FOCAD: variants seen among roughly 807,000 people sequenced by gnomAD.
FOCAD encodes the protein KIAA1797.
In FOCAD, 198 loss-of-function variants were observed where a neutral mutation model predicts 225.6. The ratio of observed to expected loss-of-function variants is 0.88; its 90% CI spans 0.78 to 0.99. The LOEUF is 0.99. Ranked by LOEUF, FOCAD falls within the 50% of genes least tolerant of loss-of-function variation. The pLI, the probability that FOCAD is intolerant of heterozygous loss-of-function variation, is 0.00. For missense variants in FOCAD, 2,713 were observed against 2,123.6 expected (o/e 1.28, Z -5.46); for synonymous variants, 897 against 755.0 (o/e 1.19, Z -3.08).
rs1017761139 is a variant in FOCAD at position 20,797,388 on chromosome 9, A to T, written c.1455+7780A>T. ...GGTAGCTTGATGAGGATGGCATTCAATCTATAAATTACCTTGGGCAGTATG... is the reference window on the plus strand; with the variant it reads ...GGTAGCTTGATGAGGATGGCATTCATTCTATAAATTACCTTGGGCAGTATG... On this transcript the variant is annotated intron_variant, in intron 11 of 43. Coordinates refer to ENST00000338382, the MANE Select transcript of FOCAD (RefSeq NM_001375567.1). Among the ~76,000 whole-genome samples the T allele has an allele frequency of 2.0e-5, 3 of 152,146 alleles. No homozygotes were observed. In the South Asian group the frequency reaches 6.2e-4, roughly 32 times the overall value.
At chr9:20,885,513 C>G (rs1831035869) in intron 21 of FOCAD, 2 of 180,186 alleles carry the variant, frequency 1.1e-5, no homozygotes, top group Non-Finnish European at 2.3e-5. Context: ...GAATAAATAT[C>G]AATTTATTGT....
At chr9:20,686,574 A>G (rs1178906563) in intron 1 of FOCAD, among the ~76,000 whole-genome samples, 1 of 152,244 alleles carries the variant, frequency 6.6e-6, no homozygotes, top group Admixed American at 6.5e-5. Flanking sequence ...AAGGATTATT[A>G]GTCTATAACA....
intron 1 of FOCAD, among the ~76,000 whole-genome samples, chr9:20,703,531 A>G (rs941641518): frequency 2.0e-5 from 3 of 152,086 alleles, no homozygotes; most frequent in South Asian, 4.1e-4. Context: ...TGCATTAACT[A>G]TATTTTAAAT....
At chr9:20,935,561 C>T in intron 28 of FOCAD, among the ~76,000 whole-genome samples, 1 of 152,152 alleles carries the variant, frequency 6.6e-6, no homozygotes, top group East Asian at 1.9e-4. Flanking sequence ...TCACCACGCC[C>T]AGCTAATTTT....
At chr9:20,796,981 T>G (rs1049001177) in intron 11 of FOCAD, among the ~76,000 whole-genome samples, 2 of 152,202 alleles carry the variant, frequency 1.3e-5, no homozygotes, top group African/African-American at 4.8e-5. Context: ...CCATCTAGAA[T>G]TAATTTTTGT....
chr9:20,896,165 A>G lies in FOCAD; in HGVS notation c.2625+10935A>G, dbSNP rs1023500117. On this transcript the variant is annotated intron_variant, in intron 21 of 43. Transcript: ENST00000338382. ...ACCCTGTTGATATGTGGGAATAAACATTAATTGATTTTCTAATATTGATTT... is the reference window on the plus strand; with the variant it reads ...ACCCTGTTGATATGTGGGAATAAACGTTAATTGATTTTCTAATATTGATTT... 2.0e-5 allele frequency among the ~76,000 whole-genome samples: 3 copies of G among 152,026 alleles called. No individual in the cohort carries two copies. The East Asian group carries it at 5.8e-4, about 29-fold the overall frequency.
intron 40 of FOCAD, among the ~76,000 whole-genome samples, chr9:20,988,079 C>T (rs1004110371): frequency 1.3e-5 from 2 of 152,166 alleles, no homozygotes; most frequent in Admixed American, 6.5e-5. Flanking sequence ...CATTTTATCA[C>T]TAGTGGTCAG....
intron 21 of FOCAD, among the ~76,000 whole-genome samples, chr9:20,899,903 G>A (rs1483681067): frequency 1.3e-5 from 2 of 151,852 alleles, no homozygotes; most frequent in Non-Finnish European, 2.9e-5. Context: ...TCTGCAGAAT[G>A]ACAGTCTTGT....
chr9:20,881,851 C>T lies in FOCAD; in HGVS notation c.2318-20C>T. The T allele has an allele frequency of 1.2e-6, 2 of 1,603,992 alleles. No homozygotes were observed. The stretch of plus-strand genomic sequence containing the variant: ...TTATTGTATTTACTCTACTTTTGGT[C>T]TCCTTTTATCCTCTTTTAGCTTTGG... On this transcript the variant is annotated intron_variant, in intron 19 of 43. Transcript: ENST00000338382.
intron 27 of FOCAD, among the ~76,000 whole-genome samples, chr9:20,930,680 G>A (rs572895240): frequency 2.0e-5 from 3 of 152,218 alleles, no homozygotes; most frequent in Admixed American, 2.0e-4. Context: ...ATCATTTTCA[G>A]CTCTTAGAAA....
At chr9:20,923,579 A>G (rs1236072325) in intron 24 of FOCAD, 81 bp from the exon 25 acceptor site, 2 of 1,016,010 alleles carry the variant, frequency 2.0e-6, no homozygotes, top group Non-Finnish European at 3.0e-6. Flanking sequence ...TTTTGACTTC[A>G]CCTGCCCTCC....
chr9:20,780,617 A>C (rs935118216), intron 9 of FOCAD, among the ~76,000 whole-genome samples: 1 of 152,180 alleles, frequency 6.6e-6, no homozygotes, highest in Non-Finnish European at 1.5e-5. Flanking sequence ...CAAATTTAAA[A>C]GATTTATTTA....
chr9:20,740,366 T>TTA, intron 5 of FOCAD, 26 bp downstream of exon 5: 1 of 1,243,782 alleles, frequency 8.0e-7, no homozygotes, highest in Non-Finnish European at 1.1e-6. Flanking sequence ...GTTTTTTTTT[T>TTA]AAACAAATAT....
intron 11 of FOCAD, among the ~76,000 whole-genome samples, chr9:20,800,535 CTTTG>C (rs1359633951): frequency 6.6e-6 from 1 of 152,088 alleles, no homozygotes; most frequent in Non-Finnish European, 1.5e-5. Flanking sequence ...TTCTTGGAGG[CTTTG>C]TTTGTTTCTT....
chr9:20,742,923 C>G (rs1827750624), intron 5 of FOCAD, among the ~76,000 whole-genome samples: 2 of 152,270 alleles, frequency 1.3e-5, no homozygotes, highest in African/African-American at 4.8e-5. Context: ...TTGGCATAAT[C>G]TGGTAATGTT....
intron 11 of FOCAD, among the ~76,000 whole-genome samples, chr9:20,808,432 T>C (rs1822697522): frequency 6.6e-6 from 1 of 152,146 alleles, no homozygotes; most frequent in Non-Finnish European, 1.5e-5. Flanking sequence ...TGACCCTAAG[T>C]ATACTGGAAT....
intron 23 of FOCAD, among the ~76,000 whole-genome samples, chr9:20,915,364 A>G (rs1833782131): frequency 6.6e-6 from 1 of 152,204 alleles, no homozygotes; most frequent in Non-Finnish European, 1.5e-5. Flanking sequence ...CAGACGAAAA[A>G]TTAGTTATCA....
chr9:20,884,789 C>A (rs1202989278), intron 20 of FOCAD, among the ~76,000 whole-genome samples: 1 of 151,844 alleles, frequency 6.6e-6, no homozygotes, highest in African/African-American at 2.4e-5. Flanking sequence ...AAGCTGGGCG[C>A]GGTGGCTCAC....
chr9:20,904,384 C>T (rs578127360), intron 21 of FOCAD, among the ~76,000 whole-genome samples: 25 of 152,024 alleles, frequency 1.6e-4, no homozygotes, highest in Admixed American at 1.4e-3. Context: ...CTAGCACTTA[C>T]TTTGGTCTTT....
Sources: gnomAD v4.1 joint callset for allele counts (sites outside exome capture counted in the v4.1 genomes callset) on GRCh38, gnomAD v4.1.1 for gene constraint, MANE v1.5 for transcripts, NCBI Gene and HGNC (gene_info 2026-07-23, HGNC 2026-07-21) for gene names.